GTF2IRD1: variants seen among roughly 807,000 people sequenced by gnomAD.
GTF2IRD1 encodes the protein general transcription factor II-I repeat domain-containing protein 1.
In GTF2IRD1, 26 loss-of-function variants were observed where a neutral mutation model predicts 113.2. The ratio of observed to expected loss-of-function variants is 0.23; its 90% confidence interval spans 0.17 to 0.32. The LOEUF (loss-of-function observed/expected upper bound fraction) is 0.32. GTF2IRD1 is among the 10% of genes least tolerant of loss of function. GTF2IRD1 has a pLI of 1.00. For missense variants in GTF2IRD1, 864 were observed against 1,280.8 expected, an observed-to-expected ratio of 0.67 and a Z score of 4.97; for synonymous variants, 484 against 529.1, an observed-to-expected ratio of 0.91 and a Z score of 1.17.
intron 8 of GTF2IRD1, 149 bp from the exon 9 acceptor site, chr7:74,529,585 G>T (rs1249779921): frequency 1.3e-5 from 8 of 621,452 alleles, no homozygotes; most frequent in Non-Finnish European, 2.2e-5. Context: ...AAAGTGATAT[G>T]ATTTTGACAT....
chr7:74,558,664 CT>C (rs1219450217), intron 20 of GTF2IRD1, among the ~76,000 whole-genome samples, 196 bp from the exon 21 acceptor site: 1 of 151,838 alleles, frequency 6.6e-6, no homozygotes, highest in Non-Finnish European at 1.5e-5. Flanking sequence ...CCATGCTGGC[CT>C]TTTTTTTATG....
intron 22 of GTF2IRD1, among the ~76,000 whole-genome samples, chr7:74,581,624 G>C (rs112598245): frequency 0.013 from 1,908 of 152,344 alleles, 35 homozygotes; most frequent in South Asian, 0.036. Context: ...AGCAGTCCTT[G>C]GGGAACTCCC....
chr7:74,459,181 G>T (rs1793191665), intron 1 of GTF2IRD1, among the ~76,000 whole-genome samples: 1 of 152,166 alleles, frequency 6.6e-6, no homozygotes, highest in African/African-American at 2.4e-5. Context: ...GCCGGGTGCG[G>T]TGGCTCATGC....
chr7:74,571,141 T>A (rs1474504090), intron 22 of GTF2IRD1: 65 of 984,428 alleles, frequency 6.6e-5, no homozygotes, highest in Non-Finnish European at 7.7e-5. Flanking sequence ...ACCCCAGGGA[T>A]GTGGCAGAGC....
Position 74,481,960 on chromosome 7 carries a change from A to T in GTF2IRD1, c.-6-26115A>T, listed in dbSNP as rs529996161. On this transcript the variant is annotated intron_variant, in intron 1 of 26. Coordinates refer to ENST00000424337, the MANE Select transcript of GTF2IRD1 (RefSeq NM_005685.4). ...TGGGCCAGGATTTAGTGTGAAACTC[A>T]TGGCTGCTAGGCTGGGAAGAGCTCG... 9.2e-5 allele frequency among the ~76,000 whole-genome samples: 14 copies of T among 152,244 alleles called. No individual in the cohort carries two copies. In the South Asian group the frequency reaches 2.9e-3, roughly 32 times the overall value.
At chr7:74,478,364 C>T (rs1554333924) in intron 1 of GTF2IRD1, among the ~76,000 whole-genome samples, 1 of 152,242 alleles carries the variant, frequency 6.6e-6, no homozygotes, top group African/African-American at 2.4e-5. Flanking sequence ...GCCCTGTTCA[C>T]ACATTCTCAC....
Position 74,559,022 on chromosome 7 carries a change from A to G in GTF2IRD1, c.2269A>G (p.Lys757Glu). 1 of 1,613,932 alleles carries G rather than the reference A, an allele frequency of 6.2e-7. No individual in the cohort carries two copies. Among genetic ancestry groups the G allele is most frequent in the Non-Finnish European group, 8.5e-7 (1 of 1,179,958 alleles). ...GGAGAGGATTCTTGCTGTGGCTGACAAGATCAAGTTCACAGTCACCAGGTA... is the reference window on the plus strand; with the variant it reads ...GGAGAGGATTCTTGCTGTGGCTGACGAGATCAAGTTCACAGTCACCAGGTA... ...NLERILAVAD[K>E]IKFTVTRPFQ... The change falls in exon 21 of 27, where the codon AAG (lysine) becomes GAG (glutamate). Residue 757 changes from lysine to glutamate, a missense_variant. By Grantham distance (56) the Lys-to-Glu change is moderately conservative. Around this residue, in one of 7 missense-constraint regions of GTF2IRD1, gnomAD observed 195 missense variants for 359.1 expected, o/e 0.54. Coordinates refer to ENST00000424337, the MANE Select transcript of GTF2IRD1 (RefSeq NM_005685.4).
At chr7:74,493,911 G>A (rs1177787437) in intron 1 of GTF2IRD1, among the ~76,000 whole-genome samples, 8 of 151,954 alleles carry the variant, frequency 5.3e-5, no homozygotes, top group Admixed American at 2.6e-4. Flanking sequence ...TTGAGATGGG[G>A]TCTTGCCATA....
At chr7:74,572,459 T>G (rs1554362902) in intron 22 of GTF2IRD1, 1 of 337,054 alleles carries the variant, frequency 3.0e-6, no homozygotes, top group East Asian at 1.7e-4. Flanking sequence ...CTTGGATAAG[T>G]TAACTTGCTT....
intron 3 of GTF2IRD1, among the ~76,000 whole-genome samples, chr7:74,514,708 G>A (rs934325072): frequency 6.6e-6 from 1 of 151,878 alleles, no homozygotes; most frequent in Non-Finnish European, 1.5e-5. Context: ...CCAACCCTCT[G>A]CCGGAGGGTT....
chr7:74,602,269 C>G lies in GTF2IRD1; in HGVS notation c.2767-96C>G, dbSNP rs1446499333. The G allele has an allele frequency of 7.6e-6, 11 of 1,448,982 alleles. No individual in the cohort carries two copies. In the South Asian group the frequency reaches 1.3e-4, roughly 17 times the overall value. The allele number at this position is 1,448,982 out of a possible 1,614,324, so 89.8% of individuals were successfully genotyped here. A position where few individuals can be genotyped will look rare whatever the true frequency, so the allele number is the denominator to read the frequency against. On this transcript the variant is annotated intron_variant, in intron 26 of 26. Coordinates refer to ENST00000424337, the MANE Select transcript of GTF2IRD1 (RefSeq NM_005685.4). ...AAAAATAAAAAATATAAATAAATAG[C>G]CTCTGAGAAAGCTCTTCCAAAAGCA...
At chr7:74,508,519 A>G (rs1489067893) in intron 2 of GTF2IRD1, among the ~76,000 whole-genome samples, 1 of 151,996 alleles carries the variant, frequency 6.6e-6, no homozygotes, top group Non-Finnish European at 1.5e-5. Flanking sequence ...GTGAAACCCC[A>G]TCTCTACTAA....
At chr7:74,532,154 C>G (rs587724986) in intron 9 of GTF2IRD1, among the ~76,000 whole-genome samples, 1 of 152,154 alleles carries the variant, frequency 6.6e-6, no homozygotes. Flanking sequence ...TGACATCTGC[C>G]TCCACCCCCA....
chr7:74,496,493 GT>G (rs1795718926), intron 1 of GTF2IRD1, among the ~76,000 whole-genome samples: 14 of 149,422 alleles, frequency 9.4e-5, no homozygotes, highest in Non-Finnish European at 1.5e-5. Flanking sequence ...GTATGTGTGT[GT>G]GTGTGTGTTC....
chr7:74,590,889 C>T lies in GTF2IRD1; in HGVS notation c.2463C>T (p.Asp821=), dbSNP rs782103952. 5.2e-5 allele frequency: 84 copies of T among 1,613,542 alleles called. No individual in the cohort carries two copies. Among genetic ancestry groups the T allele is most frequent in the South Asian group, 8.8e-5 (8 of 91,042 alleles). Residue 821 remains aspartate, a synonymous_variant, in exon 24 of 27, where the codon GAC becomes GAT. Transcript: ENST00000424337. ...VPYKLIRDSP[D]AVEVTGLPDD... ...ATAAACTAATCCGGGACAGCCCAGA[C>T]GCCGTGGAGGTCACGGGTCTGCCTG... is the stretch of plus-strand genomic sequence containing the variant.
At chr7:74,525,982 A>G (rs1435296700) in intron 8 of GTF2IRD1, among the ~76,000 whole-genome samples, 2 of 152,100 alleles carry the variant, frequency 1.3e-5, no homozygotes, top group African/African-American at 4.8e-5. Context: ...GGAGCCTGGG[A>G]TAGCCAGCTA....
At chr7:74,504,952 C>T (rs1362967299) in intron 1 of GTF2IRD1, among the ~76,000 whole-genome samples, 1 of 152,000 alleles carries the variant, frequency 6.6e-6, no homozygotes, top group Non-Finnish European at 1.5e-5. Context: ...AAGTGATCTG[C>T]CTGCTTCACC....
chr7:74,494,512 G>T (rs960259869), intron 1 of GTF2IRD1, among the ~76,000 whole-genome samples: 1 of 152,348 alleles, frequency 6.6e-6, no homozygotes, highest in East Asian at 1.9e-4. Flanking sequence ...CAGAGGTCAC[G>T]TGTTGGCGCT....
At chr7:74,504,519 G>A (rs1796200394) in intron 1 of GTF2IRD1, among the ~76,000 whole-genome samples, 2 of 152,132 alleles carry the variant, frequency 1.3e-5, no homozygotes, top group Admixed American at 1.3e-4. Flanking sequence ...CTGTGAATGT[G>A]AGAAGCGTGG....
Sources: gnomAD v4.1 joint callset for allele counts (sites outside exome capture counted in the v4.1 genomes callset) on GRCh38, gnomAD v4.1.1 for gene constraint, gnomAD v4.1.1 regional missense constraint, MANE v1.5 for transcripts, NCBI Gene and HGNC (gene_info 2026-07-23, HGNC 2026-07-21) for gene names.